The following TPH2 variants were observed in gnomAD, a reference collection of about 807,000 sequenced individuals.
The protein encoded by TPH2 is tryptophan 5-hydroxylase 2.
Under a neutral mutation model 59.1 loss-of-function variants are expected in TPH2, and 27 were observed. The observed-to-expected ratio is 0.46, with a 90% CI of 0.34 to 0.63. The LOEUF (loss-of-function observed/expected upper bound fraction) is 0.63, where lower values mean the gene tolerates loss of function less well. Ranked by LOEUF, TPH2 falls within the 30% of genes least tolerant of loss-of-function variation. The pLI, the probability that TPH2 is intolerant of heterozygous loss-of-function variation, is 0.01. For synonymous variants in TPH2, 220 were observed against 210.5 expected, an observed-to-expected ratio of 1.05 and a Z score of -0.39; for missense variants, 523 against 588.3, an observed-to-expected ratio of 0.89 and a Z score of 1.15.
chr12:72,031,731 T>G lies in TPH2; in HGVS notation c.*36T>G, dbSNP rs749203702. On this transcript the variant is annotated 3_prime_UTR_variant, in exon 11 of 11. Transcript: ENST00000333850. ...TATGTTGTTGCCAGCATGATCTTTT[T>G]GGGGCTTAGCAGCAGTTCAGTCAAT... The G allele has an allele frequency of 3.8e-5, 61 of 1,612,430 alleles. No individual in the cohort carries two copies. The highest frequency in any genetic ancestry group is 4.9e-5 in the Non-Finnish European group (58 of 1,178,798).
intron 1 of TPH2, among the ~76,000 whole-genome samples, chr12:71,940,396 G>A (rs1484278631): frequency 2.0e-5 from 3 of 152,106 alleles, no homozygotes; most frequent in Non-Finnish European, 4.4e-5. Flanking sequence ...TAAATCTAGT[G>A]AGTAAGGCAA....
chr12:71,978,234 G>T (rs1273040610), intron 6 of TPH2, among the ~76,000 whole-genome samples: 1 of 151,446 alleles, frequency 6.6e-6, no homozygotes. Context: ...AAAAAGAATA[G>T]TCCTTCTGCT....
chr12:71,953,162 CT>C (rs201864157), intron 5 of TPH2, among the ~76,000 whole-genome samples: 207 of 143,894 alleles, frequency 1.4e-3, no homozygotes, highest in Middle Eastern at 3.6e-3. Flanking sequence ...CTTTTCCCTG[CT>C]TTTTTTTTTT....
intron 7 of TPH2, among the ~76,000 whole-genome samples, chr12:71,980,993 G>A (rs1040979032): frequency 4.6e-5 from 7 of 152,182 alleles, no homozygotes; most frequent in African/African-American, 1.4e-4. Flanking sequence ...CAAATAATTA[G>A]GAAATAGTGT....
chr12:71,985,802 T>C (rs533686445), intron 7 of TPH2, among the ~76,000 whole-genome samples: 4 of 152,296 alleles, frequency 2.6e-5, no homozygotes, highest in African/African-American at 9.6e-5. Context: ...CCCCATCCAG[T>C]TCTCGGCCCA....
intron 5 of TPH2, among the ~76,000 whole-genome samples, chr12:71,960,636 C>T (rs1049954002): frequency 6.6e-6 from 1 of 152,084 alleles, no homozygotes; most frequent in African/African-American, 2.4e-5. Context: ...TGTGTGAATG[C>T]CTCAGTAGGA....
At chr12:72,013,702 T>G (rs1022697511) in intron 8 of TPH2, among the ~76,000 whole-genome samples, 1 of 152,230 alleles carries the variant, frequency 6.6e-6, no homozygotes, top group African/African-American at 2.4e-5. Context: ...CTATCATGCC[T>G]TTCTTGAGCA....
At chr12:71,995,058 C>T (rs937522196) in intron 8 of TPH2, among the ~76,000 whole-genome samples, 2 of 152,204 alleles carry the variant, frequency 1.3e-5, no homozygotes, top group East Asian at 3.9e-4. Flanking sequence ...GAAACTCTCT[C>T]TGATTATTCT....
intron 4 of TPH2, among the ~76,000 whole-genome samples, chr12:71,948,391 C>T (rs1220517795): frequency 6.6e-6 from 1 of 152,082 alleles, no homozygotes; most frequent in Non-Finnish European, 1.5e-5. Flanking sequence ...CTCTCTCCTC[C>T]CCTTAGTAAC....
At chr12:71,969,975 A>G (rs1158570162) in intron 5 of TPH2, among the ~76,000 whole-genome samples, 1 of 152,198 alleles carries the variant, frequency 6.6e-6, no homozygotes, top group South Asian at 2.1e-4. Context: ...ACTTAACCTT[A>G]AACATATGCC....
At chr12:71,959,310 AAAAG>A (rs918317204) in intron 5 of TPH2, among the ~76,000 whole-genome samples, 3 of 152,182 alleles carry the variant, frequency 2.0e-5, no homozygotes, top group African/African-American at 7.2e-5. Flanking sequence ...TCTGCAAAGA[AAAAG>A]AAAGAGACAG....
At chr12:71,997,477 G>C (rs1281100592) in intron 8 of TPH2, among the ~76,000 whole-genome samples, 1 of 152,016 alleles carries the variant, frequency 6.6e-6, no homozygotes, top group Non-Finnish European at 1.5e-5. Flanking sequence ...TATTTTACTA[G>C]GCCAACAAAT....
chr12:71,988,327 T>TA (rs1355515820), intron 7 of TPH2, among the ~76,000 whole-genome samples: 4 of 152,280 alleles, frequency 2.6e-5, no homozygotes, highest in Non-Finnish European at 5.9e-5. Context: ...TGCATTGCTA[T>TA]AAAAAATACC....
At chr12:72,014,759 A>C (rs1873196342) in intron 8 of TPH2, among the ~76,000 whole-genome samples, 1 of 152,142 alleles carries the variant, frequency 6.6e-6, no homozygotes. Context: ...TTGATGCCTT[A>C]GTGTGATTTG....
intron 5 of TPH2, among the ~76,000 whole-genome samples, chr12:71,952,010 T>G (rs911122528): frequency 6.6e-6 from 1 of 152,176 alleles, no homozygotes; most frequent in Non-Finnish European, 1.5e-5. Flanking sequence ...ACTTATTTCT[T>G]CTTGATAGAA....
chr12:72,014,720 C>T (rs1873194569), intron 8 of TPH2, among the ~76,000 whole-genome samples: 1 of 152,056 alleles, frequency 6.6e-6, no homozygotes, highest in African/African-American at 2.4e-5. Context: ...AGAATGCTTG[C>T]CCTGCAAAAC....
At chr12:71,972,421 C>A in intron 5 of TPH2, 98 bp from the exon 6 acceptor site, 4 of 1,205,240 alleles carry the variant, frequency 3.3e-6, no homozygotes, top group Non-Finnish European at 5.0e-6. Context: ...ATGTGCTCCA[C>A]TTTGCCAGGG....
intron 9 of TPH2, 28 bp from the exon 10 acceptor site, chr12:72,031,230 T>A (rs17110741): frequency 0.027 from 42,790 of 1,612,918 alleles, 651 homozygotes; most frequent in Middle Eastern, 0.041. Flanking sequence ...ATTACAGAGT[T>A]TAACAGGTTT....
intron 5 of TPH2, chr12:71,965,501 A>T (rs1405799105): frequency 1.3e-5 from 2 of 152,094 alleles, no homozygotes; most frequent in Non-Finnish European, 2.9e-5. Context: ...AGATGGTCTC[A>T]GTGTGGTTTT....
Sources: gnomAD v4.1 joint callset for allele counts (sites outside exome capture counted in the v4.1 genomes callset) on GRCh38, gnomAD v4.1.1 for gene constraint, MANE v1.5 for transcripts, NCBI Gene and HGNC (gene_info 2026-07-23, HGNC 2026-07-21) for gene names.